COIL: variants seen among roughly 807,000 people sequenced by gnomAD.
COIL encodes the protein coilin.
In COIL, 28 loss-of-function variants were observed where a neutral mutation model predicts 51.6. The ratio of observed to expected loss-of-function variants is 0.54; its 90% CI spans 0.40 to 0.74. The LOEUF (loss-of-function observed/expected upper bound fraction) is 0.74, where lower values mean the gene tolerates loss of function less well. COIL is among the 30% of genes least tolerant of loss of function. The pLI, the probability that COIL is intolerant of heterozygous loss-of-function variation, is 0.00. For synonymous variants in COIL, 233 were observed against 255.8 expected (o/e 0.91, Z 0.85); for missense variants, 667 against 685.9 (o/e 0.97, Z 0.31).
At chr17:56,945,200 T>C (rs770480750) in intron 5 of COIL, among the ~76,000 whole-genome samples, 3 of 151,972 alleles carry the variant, frequency 2.0e-5, no homozygotes, top group Non-Finnish European at 4.4e-5. Flanking sequence ...TAGCTGGACA[T>C]GGTGGTGTGT....
In COIL at chr17:56,950,744, A is replaced by AT. The variant is rs773918462; in HGVS notation, c.497dup (p.Asn166LysfsTer2). 6.2e-7 allele frequency: 1 copy of AT among 1,612,188 alleles called. No homozygotes were observed. ...CACCCACTGTGCCACAGGTTGCTTT[A>AT]TTTTTTCTCTTGTTTTTTTTGCTGA... On this transcript the variant is annotated frameshift_variant, in exon 2 of 7. Transcript: ENST00000240316. LOFTEE classifies it high-confidence loss of function.
At chr17:56,940,466 G>T (rs1462975391) in intron 6 of COIL, among the ~76,000 whole-genome samples, 1 of 152,048 alleles carries the variant, frequency 6.6e-6, no homozygotes, top group Non-Finnish European at 1.5e-5. Context: ...AGAGAGAAAA[G>T]CCTCCAAGGT....
At chr17:56,942,179 T>G in intron 5 of COIL, 56 bp from the exon 6 acceptor site, 1 of 1,318,648 alleles carries the variant, frequency 7.6e-7, no homozygotes, top group Non-Finnish European at 1.1e-6. Flanking sequence ...TAGTTAAAAA[T>G]GTTCCTCTAT....
At chr17:56,952,322 T>G (rs1910388418) in intron 1 of COIL, 1 of 459,492 alleles carries the variant, frequency 2.2e-6, no homozygotes, top group Admixed American at 2.4e-5. Flanking sequence ...TTCACTGTAC[T>G]GACAACCTCG....
At chr17:56,941,510 C>T (rs1008728968) in intron 6 of COIL, among the ~76,000 whole-genome samples, 1 of 152,212 alleles carries the variant, frequency 6.6e-6, no homozygotes, top group Non-Finnish European at 1.5e-5. Flanking sequence ...GTGGAGGTTG[C>T]AGTGAGCCAA....
chr17:56,957,220 C>T (rs1456610474), intron 1 of COIL, among the ~76,000 whole-genome samples: 1 of 152,020 alleles, frequency 6.6e-6, no homozygotes, highest in Non-Finnish European at 1.5e-5. Context: ...GCACTCCAGC[C>T]TGGGCAATGG....
chr17:56,954,030 T>C (rs183156427), intron 1 of COIL, among the ~76,000 whole-genome samples: 115 of 152,284 alleles, frequency 7.6e-4, no homozygotes, highest in Non-Finnish European at 1.5e-3. Flanking sequence ...TCTGATCAAT[T>C]TGTTTTCACT....
chr17:56,942,128 A>C lies in COIL; in HGVS notation c.1559-5T>G. On this transcript the variant is annotated splice_polypyrimidine_tract_variant and splice_region_variant and intron_variant, in intron 5 of 6. Coordinates refer to ENST00000240316, the MANE Select transcript of COIL (RefSeq NM_004645.3). ...ATTTCCCAGGTTCTCTCAAGGCTGA[A>C]ACAAGAAGATAGGGAGGAAAGAGAG... 2 of 1,610,132 alleles carry C rather than the reference A, an allele frequency of 1.2e-6. No homozygotes were observed.
chr17:56,949,564 A>G, intron 3 of COIL, 117 bp downstream of exon 3: 2 of 1,345,850 alleles, frequency 1.5e-6, no homozygotes, highest in Non-Finnish European at 2.1e-6. Context: ...AACCCGTAAC[A>G]ACACTGGGGT....
Position 56,949,415 on chromosome 17 carries a change from C to T in COIL, c.1460G>A (p.Ser487Asn), listed in dbSNP as rs1321073428. The T allele has an allele frequency of 3.7e-6, 6 of 1,602,276 alleles. No individual in the cohort carries two copies. Among genetic ancestry groups the T allele is most frequent in the Non-Finnish European group, 5.1e-6 (6 of 1,177,624 alleles). Residue 487 changes from serine to asparagine, a missense_variant, in exon 4 of 7, where the codon AGT (serine) becomes AAT (asparagine). Ser to Asn is a conservative substitution (Grantham distance 46, BLOSUM62 1). Transcript: ENST00000240316. Reference protein sequence around the residue: ...IAFKLLELTSSYSPDVSDYKE... With the variant: ...IAFKLLELTSNYSPDVSDYKE... ...GTAGTCAGAGACATCAGGAGAGTAA[C>T]TGGATGTTAGCTCCAAAAGCTAAAA...
rs1292788012 is a variant in COIL, at chr17:56,942,139, AG to A, written c.1559-17del. 1.9e-6 allele frequency: 3 copies of A among 1,589,772 alleles called. No individual in the cohort carries two copies. The African/African-American group carries it at 4.0e-5, about 21-fold the overall frequency. On this transcript the variant is annotated splice_polypyrimidine_tract_variant and intron_variant, in intron 5 of 6. Coordinates refer to ENST00000240316, the MANE Select transcript of COIL (RefSeq NM_004645.3). ...TCTCTCAAGGCTGAAACAAGAAGATAGGGAGGAAAGAGAGTAAGTCATTTTT... is the reference window on the plus strand; with the variant it reads ...TCTCTCAAGGCTGAAACAAGAAGATAGGAGGAAAGAGAGTAAGTCATTTTT...
At chr17:56,951,226 A>G (rs1910363898) in intron 1 of COIL, among the ~76,000 whole-genome samples, 1 of 152,228 alleles carries the variant, frequency 6.6e-6, no homozygotes, top group Non-Finnish European at 1.5e-5. Context: ...CTGCATCCTA[A>G]ACATTTTTAA....
intron 1 of COIL, chr17:56,951,484 A>C (rs1910368931): frequency 1.3e-5 from 2 of 153,506 alleles, no homozygotes; most frequent in African/African-American, 2.4e-5. Flanking sequence ...TTCTTTAATA[A>C]GATTTTACTC....
At chr17:56,944,904 C>G (rs1910216536) in intron 5 of COIL, among the ~76,000 whole-genome samples, 1 of 152,084 alleles carries the variant, frequency 6.6e-6, no homozygotes, top group African/African-American at 2.4e-5. Flanking sequence ...GTAGTTCCAG[C>G]TACTCGGGAG....
rs184791702 is a variant in COIL at position 56,953,216 on chromosome 17, C to T, written c.246-2220G>A. Among the ~76,000 whole-genome samples, 1,283 of 151,922 alleles carry T rather than the reference C, an allele frequency of 8.4e-3. 19 individuals carry two copies. Among genetic ancestry groups the T allele is most frequent in the Admixed American group, 0.051 (780 of 15,216 alleles). On this transcript the variant is annotated intron_variant, in intron 1 of 6. Transcript: ENST00000240316. ...CACAAGGTCAGGAGATCGAGACCAT[C>T]CTGGCTAACACAGTGAAACCCCGTC...
intron 6 of COIL, among the ~76,000 whole-genome samples, chr17:56,939,418 AC>A (rs1222218523): frequency 1.3e-5 from 2 of 151,824 alleles, no homozygotes; most frequent in Non-Finnish European, 2.9e-5. Context: ...ACCTAGTGAG[AC>A]CCCATCTCTA....
At chr17:56,953,201 G>A (rs1238376139) in intron 1 of COIL, among the ~76,000 whole-genome samples, 1 of 151,766 alleles carries the variant, frequency 6.6e-6, no homozygotes, top group Non-Finnish European at 1.5e-5. Context: ...CACAAGGTCA[G>A]GAGATCGAGA....
intron 4 of COIL, among the ~76,000 whole-genome samples, chr17:56,947,198 G>GT (rs1397170498): frequency 6.6e-5 from 10 of 152,094 alleles, no homozygotes; most frequent in South Asian, 6.2e-4. Context: ...ACAGTCAACA[G>GT]TTTTTTTTAA....
At position 56,949,892 on chromosome 17, in the gene COIL, G is replaced by T. The variant is rs776237094; in HGVS notation, c.1350C>A (p.Ile450=). Reference sequence around the variant, plus strand: ...ACTTACAAAAAATAATACTTACCTGGATAATAGTAGATGAATTTTTTACCA... The same window carrying T: ...ACTTACAAAAAATAATACTTACCTGTATAATAGTAGATGAATTTTTTACCA... ...NDVVKNSSTI[I]QNPVETPKKD... Residue 450 remains isoleucine (I), a synonymous_variant, in exon 2 of 7, where the codon ATC becomes ATA. Transcript: ENST00000240316. The T allele has an allele frequency of 2.5e-6, 4 of 1,613,474 alleles. No homozygotes were observed. The East Asian group carries it at 6.7e-5, about 27-fold the overall frequency.
Sources: allele counts gnomAD v4.1 joint callset (sites outside exome capture counted in the v4.1 genomes callset), GRCh38; gene constraint gnomAD v4.1.1; transcripts MANE v1.5; gene names NCBI Gene and HGNC (gene_info 2026-07-23, HGNC 2026-07-21).